PPP2R2B: variants seen among roughly 807,000 people sequenced by gnomAD.
The protein encoded by PPP2R2B is protein phosphatase 2 regulatory subunit Bbeta.
PPP2R2B carries 5 observed loss-of-function variants against 46.0 expected under a neutral mutation model. The ratio of observed to expected loss-of-function variants is 0.11; its 90% CI spans 0.06 to 0.23. The LOEUF (loss-of-function observed/expected upper bound fraction) is 0.23. Ranked by LOEUF, PPP2R2B falls within the 10% of genes least tolerant of loss-of-function variation. The pLI, the probability that PPP2R2B is intolerant of heterozygous loss-of-function variation, is 1.00. For missense variants in PPP2R2B, 367 were observed against 575.0 expected (o/e 0.64, Z 3.70); for synonymous variants, 215 against 206.7 (o/e 1.04, Z -0.34).
chr5:147,003,332 G>A (rs917498409), intron 1 of PPP2R2B, among the ~76,000 whole-genome samples: 1 of 151,916 alleles, frequency 6.6e-6, no homozygotes, highest in African/African-American at 2.4e-5. Context: ...TATAGGTTAT[G>A]TCCCCTTCAA....
intron 5 of PPP2R2B, among the ~76,000 whole-genome samples, chr5:146,669,958 T>C (rs987949452): frequency 1.3e-5 from 2 of 152,234 alleles, no homozygotes; most frequent in African/African-American, 4.8e-5. Context: ...CCTCTTGTAT[T>C]AGAGGGAAAA....
intron 7 of PPP2R2B, among the ~76,000 whole-genome samples, chr5:146,627,631 G>A (rs1774151313): frequency 6.6e-6 from 1 of 152,100 alleles, no homozygotes; most frequent in Non-Finnish European, 1.5e-5. Context: ...GCCCAGCAGA[G>A]GAATAAATCT....
chr5:146,718,780 T>C (rs1581945441), intron 2 of PPP2R2B, among the ~76,000 whole-genome samples: 2 of 152,266 alleles, frequency 1.3e-5, no homozygotes, highest in Non-Finnish European at 2.9e-5. Context: ...ACTATTTCAG[T>C]CACATACGCA....
chr5:146,777,767 A>T (rs1166653295), intron 2 of PPP2R2B, among the ~76,000 whole-genome samples: 4 of 152,212 alleles, frequency 2.6e-5, no homozygotes, highest in African/African-American at 9.6e-5. Flanking sequence ...AGTGGCCCTT[A>T]TAAACTGGAA....
intron 2 of PPP2R2B, among the ~76,000 whole-genome samples, chr5:146,741,576 G>T (rs970190973): frequency 1.3e-5 from 2 of 152,082 alleles, no homozygotes; most frequent in Non-Finnish European, 2.9e-5. Flanking sequence ...ATAGCTAGGG[G>T]TATAATACGA....
chr5:146,976,093 T>C (rs1442115280), intron 1 of PPP2R2B, among the ~76,000 whole-genome samples: 2 of 145,146 alleles, frequency 1.4e-5, no homozygotes, highest in East Asian at 4.0e-4. Flanking sequence ...CCTAAAAGTT[T>C]CATTTTTTAA....
At chr5:147,077,309 CACCCACA>C in intron 2 of PPP2R2B, among the ~76,000 whole-genome samples, 3 of 135,326 alleles carry the variant, frequency 2.2e-5, no homozygotes, top group African/African-American at 6.1e-5. Flanking sequence ...CACACACACA[CACCCACA>C]CCCACACCCC....
At chr5:146,986,384 G>A (rs1055296623) in intron 1 of PPP2R2B, among the ~76,000 whole-genome samples, 3 of 152,166 alleles carry the variant, frequency 2.0e-5, no homozygotes, top group African/African-American at 7.2e-5. Context: ...TGCTGCAGCT[G>A]GAAGAAACTG....
intron 4 of PPP2R2B, among the ~76,000 whole-genome samples, chr5:146,695,726 C>G (rs1285187984): frequency 1.3e-5 from 2 of 152,140 alleles, no homozygotes; most frequent in East Asian, 3.9e-4. Flanking sequence ...TGCTGGTTCT[C>G]TGAGTAGTTT....
At chr5:146,709,408 C>G (rs1468009459) in intron 2 of PPP2R2B, among the ~76,000 whole-genome samples, 1 of 152,112 alleles carries the variant, frequency 6.6e-6, no homozygotes, top group Non-Finnish European at 1.5e-5. Flanking sequence ...TGCCTGCCTC[C>G]TACTGTCCCA....
chr5:146,665,587 T>A (rs771008128), intron 5 of PPP2R2B, among the ~76,000 whole-genome samples: 1 of 152,224 alleles, frequency 6.6e-6, no homozygotes, highest in African/African-American at 2.4e-5. Context: ...TTTGCATTCT[T>A]ATCATTTGTG....
intron 2 of PPP2R2B, among the ~76,000 whole-genome samples, chr5:146,730,958 G>T (rs1013111894): frequency 5.9e-5 from 9 of 152,166 alleles, no homozygotes; most frequent in Non-Finnish European, 1.0e-4. Flanking sequence ...AAACCGATGA[G>T]GCCTTCGAGG....
intron 1 of PPP2R2B, among the ~76,000 whole-genome samples, chr5:146,925,835 T>G (rs1218878290): frequency 6.6e-6 from 1 of 152,190 alleles, no homozygotes; most frequent in Non-Finnish European, 1.5e-5. Context: ...TACTGCAGTC[T>G]GTTTTCTCAC....
chr5:146,900,937 C>T (rs1458397811), intron 1 of PPP2R2B, among the ~76,000 whole-genome samples: 1 of 152,126 alleles, frequency 6.6e-6, no homozygotes. Context: ...CCAGCTCCAT[C>T]CATCCCCCTG....
chr5:146,910,274 T>C (rs192779733), intron 1 of PPP2R2B, among the ~76,000 whole-genome samples: 43 of 152,312 alleles, frequency 2.8e-4, no homozygotes, highest in Admixed American at 2.5e-3. Context: ...AGAAAAAAAT[T>C]TGAAGGCTAT....
intron 2 of PPP2R2B, among the ~76,000 whole-genome samples, chr5:146,768,498 A>G (rs1461999374): frequency 2.6e-5 from 4 of 152,048 alleles, no homozygotes; most frequent in Admixed American, 1.3e-4. Flanking sequence ...CTCATCTCTC[A>G]CTGTCCACTG....
At chr5:147,070,739 G>C (rs867072353) in intron 2 of PPP2R2B, among the ~76,000 whole-genome samples, 1 of 152,076 alleles carries the variant, frequency 6.6e-6, no homozygotes, top group Non-Finnish European at 1.5e-5. Flanking sequence ...TACTATTGTC[G>C]GACTACCTTG....
chr5:146,924,482 A>G lies in PPP2R2B; in HGVS notation c.79+131183T>C, dbSNP rs114196162. 3.0e-3 allele frequency among the ~76,000 whole-genome samples: 451 copies of G among 152,240 alleles called. 6 individuals are homozygous for G. Among genetic ancestry groups the G allele is most frequent in the African/African-American group, 9.7e-3 (402 of 41,582 alleles). On this transcript the variant is annotated intron_variant, in intron 1 of 8. Coordinates refer to the PPP2R2B transcript ENST00000336640. The stretch of plus-strand genomic sequence containing the variant: ...TTCCCAAGTACTGGAGATTTTAAGT[A>G]CAAGGATAAGAAAGGACAGGACAAC...
intron 2 of PPP2R2B, among the ~76,000 whole-genome samples, chr5:146,724,458 CAT>C (rs1235932652): frequency 1.3e-5 from 2 of 152,122 alleles, no homozygotes; most frequent in Non-Finnish European, 2.9e-5. Flanking sequence ...AAGAATTCAG[CAT>C]AGTGATCGAC....
Sources: gnomAD v4.1 joint callset for allele counts (sites outside exome capture counted in the v4.1 genomes callset) on GRCh38, gnomAD v4.1.1 for gene constraint, MANE v1.5 for transcripts, NCBI Gene and HGNC (gene_info 2026-07-23, HGNC 2026-07-21) for gene names.